PRELID2: variants seen among roughly 807,000 people sequenced by gnomAD.
PRELID2 encodes PRELI domain containing 2.
Under a neutral mutation model 28.4 loss-of-function variants are expected in PRELID2, and 25 were observed. That is an observed-to-expected ratio of 0.88 (90% CI 0.64 to 1.23). The LOEUF is 1.23. PRELID2 is among the 50% of genes most tolerant of loss of function. The probability of loss-of-function intolerance (pLI) is 0.00; values close to 1 mark genes in which losing one functional copy is unlikely to be tolerated. For missense variants in PRELID2, 201 were observed against 214.4 expected (o/e 0.94, Z 0.39); for synonymous variants, 76 against 71.6 (o/e 1.06, Z -0.31).
the PRELID2 span, chr5:145,381,475 T>G: frequency 2.6e-5 from 4 of 152,268 alleles, no homozygotes; most frequent in South Asian, 8.3e-4. Flanking sequence ...CAAACTTTAA[T>G]TCTCAGCTGA....
At chr5:145,295,070 G>A in the PRELID2 span, among the ~76,000 whole-genome samples, 1 of 152,098 alleles carries the variant, frequency 6.6e-6, no homozygotes, top group Non-Finnish European at 1.5e-5. Context: ...CTGGTTGCCT[G>A]TCCTGGGCTG....
the PRELID2 span, among the ~76,000 whole-genome samples, chr5:145,371,280 T>A: frequency 6.6e-6 from 1 of 152,188 alleles, no homozygotes; most frequent in African/African-American, 2.4e-5. Context: ...TATTTTAAAA[T>A]GTCTTCCATT....
the PRELID2 span, among the ~76,000 whole-genome samples, chr5:145,339,469 G>A: frequency 2.6e-5 from 4 of 152,166 alleles, no homozygotes; most frequent in Non-Finnish European, 5.9e-5. Context: ...ATATGAAGCT[G>A]CCTAGAGGTT....
intron 1 of PRELID2, among the ~76,000 whole-genome samples, chr5:145,623,029 T>C (rs1753792940): frequency 6.6e-6 from 1 of 152,074 alleles, no homozygotes; most frequent in Non-Finnish European, 1.5e-5. Context: ...ATCTGTATAT[T>C]TGGCAGAATT....
the PRELID2 span, among the ~76,000 whole-genome samples, chr5:145,325,083 A>G: frequency 6.7e-6 from 1 of 149,954 alleles, no homozygotes; most frequent in Non-Finnish European, 1.5e-5. Flanking sequence ...AGCAATAATT[A>G]AAGTTTCTTA....
chr5:145,724,639 ATATATATAAT>A (rs1418696793), intron 1 of PRELID2, among the ~76,000 whole-genome samples: 1 of 109,238 alleles, frequency 9.2e-6, no homozygotes, highest in African/African-American at 3.5e-5. Context: ...ATATATATAT[ATATATATAAT>A]GCCTGTAACT....
the PRELID2 span, chr5:145,229,295 C>T: frequency 1.3e-6 from 1 of 750,512 alleles, no homozygotes; most frequent in East Asian, 2.5e-5. Context: ...CCGCAGTGAC[C>T]TGATGGAATA....
At chr5:145,622,176 A>C (rs1753782695) in intron 1 of PRELID2, among the ~76,000 whole-genome samples, 1 of 152,144 alleles carries the variant, frequency 6.6e-6, no homozygotes, top group African/African-American at 2.4e-5. Context: ...GAGTTGAGGA[A>C]ATCTGGGGAA....
the PRELID2 span, among the ~76,000 whole-genome samples, chr5:145,433,271 A>T: frequency 2.6e-5 from 4 of 152,136 alleles, no homozygotes; most frequent in Non-Finnish European, 5.9e-5. Context: ...GGGTGAGCAC[A>T]TGACCTAACC....
chr5:145,306,454 T>A, the PRELID2 span, among the ~76,000 whole-genome samples: 1 of 152,124 alleles, frequency 6.6e-6, no homozygotes, highest in Non-Finnish European at 1.5e-5. Flanking sequence ...TTAATTCATA[T>A]TTGCTTTTTC....
At position 145,605,441 on chromosome 5, in the gene PRELID2, ATTGT is replaced by A. The variant is rs568359167; in HGVS notation, n.71-132130_71-132127del. 2.5e-4 allele frequency among the ~76,000 whole-genome samples: 38 copies of A among 152,166 alleles called. 1 individual carries two copies. In the South Asian group the frequency reaches 5.0e-3, roughly 20 times the overall value. On this transcript the variant is annotated intron_variant and non_coding_transcript_variant, in intron 1 of 2. Transcript: ENST00000510259. ...TTATTAAATAAGGAGTTGTTTCCTC[ATTGT>A]TTGTTTTTGTCAACTTTGTCAAAGA...
chr5:145,508,298 T>TAGATA (rs1561496164), intron 1 of PRELID2, among the ~76,000 whole-genome samples: 2 of 94,916 alleles, frequency 2.1e-5, no homozygotes, highest in East Asian at 4.9e-4. Flanking sequence ...ATAGATAGAT[T>TAGATA]AAAAAATGTA....
At chr5:145,331,700 T>C in the PRELID2 span, among the ~76,000 whole-genome samples, 1 of 152,156 alleles carries the variant, frequency 6.6e-6, no homozygotes, top group Non-Finnish European at 1.5e-5. Context: ...TACAGCACAC[T>C]GATGGGTCTT....
At chr5:145,741,519 T>TTTATTTATATATAAAATTTATTTATAAA (rs1561567968) in intron 1 of PRELID2, among the ~76,000 whole-genome samples, 2 of 118,410 alleles carry the variant, frequency 1.7e-5, no homozygotes, top group East Asian at 5.0e-4. Context: ...TTATAAATAA[T>TTTATTTATATATAAAATTTATTTATAAA]TTATTTATAT....
chr5:145,794,488 G>A (rs1027931404), intron 5 of PRELID2, among the ~76,000 whole-genome samples: 4 of 152,196 alleles, frequency 2.6e-5, no homozygotes, highest in African/African-American at 9.6e-5. Context: ...AAAGTGGCAA[G>A]AGGGAACTCT....
chr5:145,600,727 A>G (rs1461533062), intron 1 of PRELID2, among the ~76,000 whole-genome samples: 1 of 152,160 alleles, frequency 6.6e-6, no homozygotes, highest in Non-Finnish European at 1.5e-5. Context: ...AAGGAAATAA[A>G]CCAAAATCAG....
chr5:145,801,153 C>T (rs1753112185), intron 4 of PRELID2, among the ~76,000 whole-genome samples: 1 of 152,164 alleles, frequency 6.6e-6, no homozygotes, highest in African/African-American at 2.4e-5. Context: ...CTTTGGCCAT[C>T]ACCAAAAAGT....
intron 1 of PRELID2, among the ~76,000 whole-genome samples, chr5:145,582,209 A>G (rs10043918): frequency 0.12 from 18,478 of 152,092 alleles, 3,121 homozygotes; most frequent in African/African-American, 0.38. Flanking sequence ...TCACACTGCT[A>G]TAAAGAACCA....
At chr5:145,472,935 G>T (rs2126607219) in intron 2 of PRELID2, among the ~76,000 whole-genome samples, 1 of 152,178 alleles carries the variant, frequency 6.6e-6, no homozygotes, top group Middle Eastern at 3.4e-3. Flanking sequence ...TTTGGAATCT[G>T]ACCTACCTTT....
Sources: gnomAD v4.1 joint callset for allele counts (sites outside exome capture counted in the v4.1 genomes callset) on GRCh38, gnomAD v4.1.1 for gene constraint, MANE v1.5 for transcripts, NCBI Gene and HGNC (gene_info 2026-07-23, HGNC 2026-07-21) for gene names.